Variants in DTNBP1 observed in about 807,000 individuals in gnomAD.
DTNBP1 encodes dystrobrevin binding protein 1.
In DTNBP1, 35 loss-of-function variants were observed where a neutral mutation model predicts 42.8. The ratio of observed to expected loss-of-function variants is 0.82; its 90% CI spans 0.63 to 1.09. DTNBP1 has a LOEUF of 1.09. Ranked by LOEUF, DTNBP1 falls within the 50% of genes least tolerant of loss-of-function variation. DTNBP1 has a pLI of 0.00. For missense variants in DTNBP1, 457 were observed against 424.2 expected (o/e 1.08, Z -0.68); for synonymous variants, 171 against 162.2 (o/e 1.05, Z -0.41).
rs192846129 is a variant in DTNBP1, at chr6:15,637,651, A to G, written c.222+93T>C. 1.6e-4 allele frequency: 224 copies of G among 1,372,678 alleles called. No individual in the cohort carries two copies. The Middle Eastern group carries it at 3.2e-3, about 20-fold the overall frequency. 85.0% of individuals were successfully genotyped at this position (1,372,678 alleles called of 1,614,324 possible). On this transcript the variant is annotated intron_variant, in intron 4 of 9. Transcript: ENST00000344537. ...TTCAGATATCCTGCAAAACATTTTG[A>G]CACAAACAATTATAAATTCAATTTT... is the stretch of plus-strand genomic sequence containing the variant.
At chr6:15,586,107 T>C in intron 7 of DTNBP1, 4 of 970,358 alleles carry the variant, frequency 4.1e-6, no homozygotes, top group Non-Finnish European at 5.0e-6. Flanking sequence ...GAATTTGTCA[T>C]CTAGGTACAA....
At chr6:15,634,119 ATAAACTAT>A (rs1193650090) in intron 4 of DTNBP1, among the ~76,000 whole-genome samples, 6 of 152,168 alleles carry the variant, frequency 3.9e-5, no homozygotes, top group African/African-American at 1.4e-4. Flanking sequence ...TCAGTAACTT[ATAAACTAT>A]TAATAGACTT....
intron 3 of DTNBP1, among the ~76,000 whole-genome samples, chr6:15,648,986 A>G (rs1343239396): frequency 6.7e-6 from 1 of 149,542 alleles, no homozygotes; most frequent in African/African-American, 2.5e-5. Flanking sequence ...TCATTAGAGT[A>G]GCTATAATAA....
intron 6 of DTNBP1, among the ~76,000 whole-genome samples, chr6:15,596,521 G>GT: frequency 6.6e-6 from 1 of 152,142 alleles, no homozygotes; most frequent in Admixed American, 6.5e-5. Flanking sequence ...CCAACTGGTG[G>GT]TTTCTTGAAA....
intron 7 of DTNBP1, among the ~76,000 whole-genome samples, chr6:15,590,407 T>C (rs1319220032): frequency 6.6e-6 from 1 of 152,176 alleles, no homozygotes; most frequent in East Asian, 1.9e-4. Flanking sequence ...TCCTCTGTAG[T>C]TTTTTTGTCA....
chr6:15,576,591 A>C (rs1427535570), intron 7 of DTNBP1, among the ~76,000 whole-genome samples: 1 of 151,892 alleles, frequency 6.6e-6, no homozygotes, highest in Admixed American at 6.6e-5. Flanking sequence ...GCCTGGCCAA[A>C]GTGGCAAAAA....
chr6:15,546,301 G>A (rs1489302578), intron 7 of DTNBP1, among the ~76,000 whole-genome samples: 20 of 151,874 alleles, frequency 1.3e-4, no homozygotes, highest in East Asian at 3.9e-4. Flanking sequence ...CTCTGACCTC[G>A]TGATCCGCCT....
At chr6:15,540,447 C>T (rs1561945686) in intron 7 of DTNBP1, among the ~76,000 whole-genome samples, 1 of 152,162 alleles carries the variant, frequency 6.6e-6, no homozygotes, top group Admixed American at 6.5e-5. Context: ...CTTGTTTTAA[C>T]AGAATTAAGA....
intron 7 of DTNBP1, among the ~76,000 whole-genome samples, chr6:15,565,724 TG>T (rs1775042462): frequency 2.0e-5 from 3 of 152,196 alleles, no homozygotes; most frequent in South Asian, 4.1e-4. Context: ...GGAATCTTTT[TG>T]GGGTGATGAA....
chr6:15,550,270 A>G (rs183572310), intron 7 of DTNBP1, among the ~76,000 whole-genome samples: 12 of 152,344 alleles, frequency 7.9e-5, no homozygotes, highest in Non-Finnish European at 1.3e-4. Flanking sequence ...ATTCTAATCT[A>G]GGACAACGAG....
rs184093706 is a variant in DTNBP1 at position 15,563,560 on chromosome 6, A to T, written c.511+29499T>A. Among the ~76,000 whole-genome samples, 4 of 152,340 alleles carry T rather than the reference A, an allele frequency of 2.6e-5. No homozygotes were observed. The East Asian group carries it at 5.8e-4, about 22-fold the overall frequency. On this transcript the variant is annotated intron_variant, in intron 7 of 9. Coordinates refer to ENST00000344537, the MANE Select transcript of DTNBP1 (RefSeq NM_032122.5). Reference sequence around the variant, plus strand: ...CTATAGACAGGATCTCTGATGTTAGAATCATAAGGCTTTTGTTTAAGAATT... The same window carrying T: ...CTATAGACAGGATCTCTGATGTTAGTATCATAAGGCTTTTGTTTAAGAATT...
intron 7 of DTNBP1, among the ~76,000 whole-genome samples, chr6:15,566,474 T>C (rs1039392147): frequency 6.6e-6 from 1 of 152,158 alleles, no homozygotes; most frequent in African/African-American, 2.4e-5. Context: ...TTCTGGAGTT[T>C]AGACAGGCTG....
intron 7 of DTNBP1, among the ~76,000 whole-genome samples, chr6:15,576,955 A>C (rs1330818057): frequency 6.6e-6 from 1 of 152,220 alleles, no homozygotes; most frequent in Non-Finnish European, 1.5e-5. Context: ...TAGAGCAGAG[A>C]AAAGCCAGAT....
At chr6:15,528,029 G>A (rs1490791382) in intron 8 of DTNBP1, among the ~76,000 whole-genome samples, 2 of 152,210 alleles carry the variant, frequency 1.3e-5, no homozygotes, top group African/African-American at 4.8e-5. Flanking sequence ...TGCACTTGCA[G>A]AAAGATCCAA....
chr6:15,593,719 G>A (rs1776390813), intron 6 of DTNBP1, among the ~76,000 whole-genome samples: 1 of 152,176 alleles, frequency 6.6e-6, no homozygotes, highest in Admixed American at 6.5e-5. Flanking sequence ...AACATTTTGT[G>A]ACAAAGAAAG....
At chr6:15,556,438 C>T (rs1774526804) in intron 7 of DTNBP1, among the ~76,000 whole-genome samples, 1 of 152,172 alleles carries the variant, frequency 6.6e-6, no homozygotes, top group Non-Finnish European at 1.5e-5. Flanking sequence ...CCTCGACCTC[C>T]CAAAGTGCTG....
Position 15,523,000 on chromosome 6 carries a change from TC to T in DTNBP1, c.1030del (p.Asp344MetfsTer41). Reference sequence around the variant, plus strand: ...TTAAGAGTCGCTGTCCTCACCACCATCCGGAGTGGCCTCTCTGTCAGTGTGT... The same window carrying T: ...TTAAGAGTCGCTGTCCTCACCACCATCGGAGTGGCCTCTCTGTCAGTGTGT... ...TSHTDREATP[D>X]GGEDSDS is the part of the protein sequence containing the mutation. On this transcript the variant is annotated frameshift_variant, in exon 10 of 10. Coordinates refer to ENST00000344537, the MANE Select transcript of DTNBP1 (RefSeq NM_032122.5). LOFTEE classifies it high-confidence loss of function. 1.2e-6 allele frequency: 2 copies of T among 1,614,160 alleles called. No homozygotes were observed. Among genetic ancestry groups the T allele is most frequent in the Non-Finnish European group, 1.7e-6 (2 of 1,180,026 alleles).
At position 15,627,354 on chromosome 6, in the gene DTNBP1, G is replaced by C. The variant is rs1654699072; in HGVS notation, c.344C>G (p.Thr115Arg). 2 of 1,613,472 alleles carry C rather than the reference G, an allele frequency of 1.2e-6. No individual in the cohort carries two copies. The highest frequency in any genetic ancestry group is 1.7e-6 in the Non-Finnish European group (2 of 1,179,824). Reference protein sequence around the residue: ...PALIADLESMTANLTHLEASF... With the variant: ...PALIADLESMRANLTHLEASF... ...AACATTGGACTTACTCAGATTTGCT[G>C]TCATGGATTCTAAGTCTGCGATTAA... The change falls in exon 5 of 10, where the codon ACA becomes AGA. Residue 115 changes from threonine (T) to arginine (R), a missense_variant. Coordinates refer to ENST00000344537, the MANE Select transcript of DTNBP1 (RefSeq NM_032122.5).
chr6:15,629,455 A>C (rs1316314619), intron 4 of DTNBP1, among the ~76,000 whole-genome samples: 4 of 152,230 alleles, frequency 2.6e-5, no homozygotes, highest in Non-Finnish European at 4.4e-5. Context: ...AAATTTAACT[A>C]CAGTTTAGTT....
Sources: allele counts gnomAD v4.1 joint callset (sites outside exome capture counted in the v4.1 genomes callset), GRCh38; gene constraint gnomAD v4.1.1; transcripts MANE v1.5; gene names NCBI Gene and HGNC (gene_info 2026-07-23, HGNC 2026-07-21).